The following TENM3 variants were observed in gnomAD, a reference collection of about 807,000 sequenced individuals.
TENM3 encodes the protein teneurin transmembrane protein 3.
Under a neutral mutation model 255.1 loss-of-function variants are expected in TENM3, and 63 were observed. The ratio of observed to expected loss-of-function variants is 0.25; its 90% CI spans 0.20 to 0.30. TENM3 has a LOEUF of 0.30. TENM3 is among the 10% of genes least tolerant of loss of function. The pLI is 1.00. For synonymous variants in TENM3, 1,306 were observed against 1,322.3 expected, an observed-to-expected ratio of 0.99 and a Z score of 0.27; for missense variants, 2,929 against 3,461.1, an observed-to-expected ratio of 0.85 and a Z score of 3.86.
intron 5 of TENM3, among the ~76,000 whole-genome samples, chr4:182,634,550 G>C (rs1228232612): frequency 6.6e-6 from 1 of 151,820 alleles, no homozygotes; most frequent in African/African-American, 2.4e-5. Flanking sequence ...TTAACCTTTT[G>C]AGTTGCTGTG....
intron 1 of TENM3, among the ~76,000 whole-genome samples, chr4:182,188,834 G>A (rs1055197448): frequency 6.6e-6 from 1 of 152,288 alleles, no homozygotes; most frequent in Admixed American, 6.5e-5. Flanking sequence ...GAGATGTGCA[G>A]TGAACATGTA....
At chr4:182,289,894 A>G (rs1344518203) in intron 1 of TENM3, among the ~76,000 whole-genome samples, 1 of 152,088 alleles carries the variant, frequency 6.6e-6, no homozygotes, top group African/African-American at 2.4e-5. Flanking sequence ...CCTAGAGATG[A>G]CGCTCAGGAC....
At chr4:182,773,369 G>A in intron 22 of TENM3, 103 bp from the exon 23 acceptor site, 1 of 1,041,120 alleles carries the variant, frequency 9.6e-7, no homozygotes, top group Non-Finnish European at 1.4e-6. Flanking sequence ...AAGACAAATA[G>A]TCCTCCAAAT....
At chr4:181,493,297 A>T in the TENM3 span, among the ~76,000 whole-genome samples, 51 of 28,132 alleles carry the variant, frequency 1.8e-3, no homozygotes, top group East Asian at 0.081. Context: ...ACCAGTCTCT[A>T]AAAAAAAAAA....
intron 3 of TENM3, among the ~76,000 whole-genome samples, chr4:182,542,501 A>G (rs1393311408): frequency 6.6e-6 from 1 of 152,194 alleles, no homozygotes; most frequent in Non-Finnish European, 1.5e-5. Context: ...AGCCAAGGTC[A>G]AGGCAGGCAG....
At chr4:181,915,088 C>T in the TENM3 span, among the ~76,000 whole-genome samples, 1 of 152,052 alleles carries the variant, frequency 6.6e-6, no homozygotes, top group Admixed American at 6.6e-5. Flanking sequence ...GGTTGGAGGC[C>T]ACACTAGGAG....
At chr4:181,968,421 G>A in the TENM3 span, among the ~76,000 whole-genome samples, 3 of 152,170 alleles carry the variant, frequency 2.0e-5, no homozygotes, top group Non-Finnish European at 4.4e-5. Context: ...ACTGAGACAT[G>A]GAGGGGACCT....
intron 1 of TENM3, among the ~76,000 whole-genome samples, chr4:182,153,905 T>G (rs1015539997): frequency 6.6e-6 from 1 of 152,296 alleles, no homozygotes; most frequent in African/African-American, 2.4e-5. Flanking sequence ...TTAAAAAGCC[T>G]CTATAATTCA....
At chr4:182,482,266 G>A (rs1234328353) in intron 3 of TENM3, among the ~76,000 whole-genome samples, 2 of 152,074 alleles carry the variant, frequency 1.3e-5, no homozygotes, top group African/African-American at 2.4e-5. Context: ...TTACAATAAT[G>A]CTTTTCAATT....
chr4:181,589,827 T>C, the TENM3 span, among the ~76,000 whole-genome samples: 1 of 152,218 alleles, frequency 6.6e-6, no homozygotes, highest in Non-Finnish European at 1.5e-5. Context: ...CGTGATTCTC[T>C]CAGCCTCAAC....
chr4:181,934,688 C>A, the TENM3 span, among the ~76,000 whole-genome samples: 2 of 151,902 alleles, frequency 1.3e-5, no homozygotes, highest in Non-Finnish European at 2.9e-5. Flanking sequence ...AATTCTTTTT[C>A]TTTTTTCTTT....
At chr4:181,466,806 A>T in the TENM3 span, among the ~76,000 whole-genome samples, 1 of 151,980 alleles carries the variant, frequency 6.6e-6, no homozygotes, top group African/African-American at 2.4e-5. Context: ...TTATAGATTG[A>T]AGTAAAATAG....
the TENM3 span, among the ~76,000 whole-genome samples, chr4:181,721,677 G>A: frequency 6.6e-6 from 1 of 150,670 alleles, no homozygotes; most frequent in South Asian, 2.1e-4. Context: ...TGCAGCCAGG[G>A]AAGATGGAAG....
chr4:182,262,359 G>A (rs529905987), intron 1 of TENM3, among the ~76,000 whole-genome samples: 8 of 152,184 alleles, frequency 5.3e-5, no homozygotes, highest in East Asian at 1.9e-4. Context: ...GTGCATTTTC[G>A]GACAGTGAAG....
At chr4:182,186,762 C>CATTCAT (rs1753177562) in intron 1 of TENM3, among the ~76,000 whole-genome samples, 1 of 27,498 alleles carries the variant, frequency 3.6e-5, no homozygotes. Context: ...ACTAATGCAT[C>CATTCAT]ATATATATAT....
intron 1 of TENM3, among the ~76,000 whole-genome samples, chr4:182,215,102 T>A (rs2597116): frequency 0.22 from 33,156 of 152,074 alleles, 3,833 homozygotes; most frequent in Non-Finnish European, 0.25. Context: ...GAAGAAATGG[T>A]TCTGAGCTAG....
chr4:182,307,204 G>T (rs1424492848), intron 1 of TENM3, among the ~76,000 whole-genome samples: 1 of 152,218 alleles, frequency 6.6e-6, no homozygotes, highest in Non-Finnish European at 1.5e-5. Flanking sequence ...GAGGAATGCA[G>T]CCTGGACTGA....
At chr4:182,273,972 A>G (rs144271291) in intron 1 of TENM3, among the ~76,000 whole-genome samples, 38 of 152,362 alleles carry the variant, frequency 2.5e-4, no homozygotes, top group African/African-American at 9.1e-4. Flanking sequence ...CTTCTCAAGT[A>G]TACATACAGG....
chr4:181,820,319 AAG>A, the TENM3 span: 9 of 152,208 alleles, frequency 5.9e-5, no homozygotes, highest in Non-Finnish European at 1.2e-4. Flanking sequence ...ACAGATGAAA[AAG>A]AAATTTTATT....
Sources: allele counts gnomAD v4.1 joint callset (sites outside exome capture counted in the v4.1 genomes callset), GRCh38; gene constraint gnomAD v4.1.1; transcripts MANE v1.5; gene names NCBI Gene and HGNC (gene_info 2026-07-23, HGNC 2026-07-21).